The following KMT2D variants were observed in gnomAD, a reference collection of about 807,000 sequenced individuals.
KMT2D encodes lysine methyltransferase 2D.
In KMT2D, 55 loss-of-function variants were observed where a neutral mutation model predicts 512.7. That is an observed-to-expected ratio of 0.11 (90% confidence interval 0.09 to 0.13). KMT2D has a LOEUF of 0.13. Among genes scored for constraint, KMT2D ranks in the 10% least tolerant of loss-of-function variants. The pLI is 1.00. For missense variants in KMT2D, 6,061 were observed against 7,127.9 expected, an observed-to-expected ratio of 0.85 and a Z score of 5.39; for synonymous variants, 2,995 against 2,904.0, an observed-to-expected ratio of 1.03 and a Z score of -1.01.
rs1354976545 is a variant in KMT2D, at chr12:49,054,727, A to G, written c.201T>C (p.Ala67=). ...DCSGGPVRRC[A]LCNCGEPSLH... is the part of the protein sequence containing the mutation. ...GACTGGGCTCCCCGCAGTTACAGAG[A>G]GCACAACGCCGCACCGGACCCCCAC... The change falls in exon 4 of 55, where the codon GCT becomes GCC. Residue 67 remains alanine (A), a synonymous_variant. Transcript: ENST00000301067. The surrounding 1 kb of genome is among the most constrained non-coding windows in gnomAD (Gnocchi z 6.4). 3 of 1,613,696 alleles carry G rather than the reference A, an allele frequency of 1.9e-6. No individual in the cohort carries two copies. Among genetic ancestry groups the G allele is most frequent in the African/African-American group, 1.3e-5 (1 of 74,928 alleles).
rs955436876 is a variant in KMT2D, at chr12:49,039,396, C to A, written c.8230-38G>T. 2 of 1,606,236 alleles carry A rather than the reference C, an allele frequency of 1.2e-6. No homozygotes were observed. The highest frequency in any genetic ancestry group is 2.7e-5 in the African/African-American group (2 of 74,784). ...AGGTAGATGAAGGTGGAGCAACCTT[C>A]AATATCCTGGCCCCACTATCCCTTG... is the stretch of plus-strand genomic sequence containing the variant. On this transcript the variant is annotated intron_variant, in intron 33 of 54. Transcript: ENST00000301067. This position sits in a 1 kb window ranked among gnomAD's most constrained non-coding sequence, Gnocchi z 5.0.
intron 1 of KMT2D, among the ~76,000 whole-genome samples, chr12:49,058,931 G>A (rs1938573001): frequency 1.3e-5 from 2 of 152,272 alleles, no homozygotes; most frequent in South Asian, 4.1e-4. Context: ...GGCAAAGCAG[G>A]CTAAGACAGC....
In KMT2D at chr12:49,044,675, C is replaced by T. The variant is rs1351017875; in HGVS notation, c.4963+69G>A. The T allele has an allele frequency of 1.9e-6, 3 of 1,555,174 alleles. No homozygotes were observed. The highest frequency in any genetic ancestry group is 2.3e-5 in the South Asian group (2 of 87,522). ...GGTAACTGAGTGGCAATGTAGCCCCCACCCAACATCCCACTCCCAGAGTCA... is the reference window on the plus strand; with the variant it reads ...GGTAACTGAGTGGCAATGTAGCCCCTACCCAACATCCCACTCCCAGAGTCA... On this transcript the variant is annotated intron_variant, in intron 20 of 54. Transcript: ENST00000301067. This position sits in a 1 kb window ranked among gnomAD's most constrained non-coding sequence, Gnocchi z 6.4.
chr12:49,035,145 A>G lies in KMT2D; in HGVS notation c.10232-210T>C, dbSNP rs1456783270. On this transcript the variant is annotated intron_variant, in intron 35 of 54. Transcript: ENST00000301067. ...CCTGTTTTTACTTGCACCGTGCTAC[A>G]AAAAGGGGCTCCGTAAATATTTGTT... is the stretch of plus-strand genomic sequence containing the variant. Among the ~76,000 whole-genome samples the G allele has an allele frequency of 3.3e-5, 5 of 152,308 alleles. No homozygotes were observed. In the East Asian group the frequency reaches 9.6e-4, roughly 29 times the overall value.
In KMT2D at chr12:49,054,720, T is replaced by A. The variant is rs1220774201; in HGVS notation, c.208A>T (p.Asn70Tyr). The change falls in exon 4 of 55, where the codon AAC becomes TAC. Residue 70 changes from asparagine (N) to tyrosine (Y), a missense_variant. By Grantham distance (143) the Asn-to-Tyr change is moderately radical. Coordinates refer to ENST00000301067, the MANE Select transcript of KMT2D (RefSeq NM_003482.4). This position sits in a 1 kb window ranked among gnomAD's most constrained non-coding sequence, Gnocchi z 6.4. ...GGPVRRCALCNCGEPSLHGQR... is the reference protein window; with the variant it reads ...GGPVRRCALCYCGEPSLHGQR... ...CCGTGTAGACTGGGCTCCCCGCAGT[T>A]ACAGAGAGCACAACGCCGCACCGGA... 1 of 1,613,578 alleles carries A rather than the reference T, an allele frequency of 6.2e-7. No homozygotes were observed. Among genetic ancestry groups the A allele is most frequent in the Non-Finnish European group, 8.5e-7 (1 of 1,179,726 alleles).
Position 49,030,295 on chromosome 12 carries a change from C to T in KMT2D, c.13984G>A (p.Glu4662Lys). 1.9e-6 allele frequency: 3 copies of T among 1,601,678 alleles called. No homozygotes were observed. The highest frequency in any genetic ancestry group is 4.5e-5 in the East Asian group (2 of 44,450). ...CTTGACTTACCCCTCAGTGCCCTTTCACTATCCCGGGCAGAGGCAGCATCC... is the reference window on the plus strand; with the variant it reads ...CTTGACTTACCCCTCAGTGCCCTTTTACTATCCCGGGCAGAGGCAGCATCC... Reference protein sequence around the residue: ...PKDAASARDSERALRDTSEVK... With the variant: ...PKDAASARDSKRALRDTSEVK... The change falls in exon 43 of 55, where the codon GAA becomes AAA. Residue 4662 changes from glutamate (E) to lysine (K), a missense_variant. Around this residue, in one of 16 missense-constraint regions of KMT2D, gnomAD observed 1,600 missense variants for 1,754.9 expected, o/e 0.91. Transcript: ENST00000301067.
rs2120388061 is a variant in KMT2D, at chr12:49,028,934, C to A, written c.14276G>T (p.Gly4759Val). ...TCCAGGGACCTCCAGGCCAAGGGCC[C>A]CATAAGGTTTGGTATCTGGGAAGAC... ...IPVFPDTKPYGALGLEVPGKL... is the reference protein window; with the variant it reads ...IPVFPDTKPYVALGLEVPGKL... The change falls in exon 46 of 55, where the codon GGG (glycine) becomes GTG (valine). Residue 4759 changes from glycine (G) to valine (V), a missense_variant. Physicochemically the swap from Gly to Val is moderately radical, Grantham distance 109. This residue lies in a region of KMT2D where 1,600 missense variants were observed against 1,754.9 expected (regional missense o/e 0.91). Transcript: ENST00000301067. The A allele has an allele frequency of 6.2e-7, 1 of 1,613,970 alleles. No homozygotes were observed. Among genetic ancestry groups the A allele is most frequent in the Non-Finnish European group, 8.5e-7 (1 of 1,179,880 alleles).
rs372508690 is a variant in KMT2D at position 49,031,199 on chromosome 12, T to G, written c.13506A>C (p.Leu4502=). The change falls in exon 40 of 55, where the codon CTA becomes CTC. Residue 4502 remains leucine (L), a synonymous_variant. Coordinates refer to ENST00000301067, the MANE Select transcript of KMT2D (RefSeq NM_003482.4). ...CCTCCTTGTTGCTGGGGGTACCCTG[T>G]AGTTTCTGCTCCAGCCCAGCCAGCT... is the stretch of plus-strand genomic sequence containing the variant. ...DSKLAGLEQK[L]QGTPSNKEDA... is the part of the protein sequence containing the mutation. 1.1e-5 allele frequency: 18 copies of G among 1,610,372 alleles called. No individual in the cohort carries two copies. Among genetic ancestry groups the G allele is most frequent in the Non-Finnish European group, 1.5e-5 (18 of 1,177,718 alleles).
rs371433491 is a variant in KMT2D, at chr12:49,044,249, C to T, written c.5139G>A (p.Gly1713=). ...QRKSHTRTKK[G]PAAQAEVLSG... The stretch of plus-strand genomic sequence containing the variant: ...TCAACACCTCCGCCTGTGCAGCAGG[C>T]CCCTTTTTCGTGCGTGTGTGGGATT... Residue 1713 remains glycine (G), a synonymous_variant, in exon 22 of 55, where the codon GGG becomes GGA. Coordinates refer to ENST00000301067, the MANE Select transcript of KMT2D (RefSeq NM_003482.4). The surrounding 1 kb of genome is among the most constrained non-coding windows in gnomAD (Gnocchi z 6.4). 1.9e-6 allele frequency: 3 copies of T among 1,612,770 alleles called. No individual in the cohort carries two copies. Among genetic ancestry groups the T allele is most frequent in the Non-Finnish European group, 1.7e-6 (2 of 1,179,880 alleles).
At chr12:49,045,552 G>A (rs1257250154) in intron 19 of KMT2D, among the ~76,000 whole-genome samples, 2 of 151,506 alleles carry the variant, frequency 1.3e-5, no homozygotes, top group African/African-American at 4.9e-5. Context: ...GCTGAGGCAG[G>A]AGAATGGCGT....
rs775432028 is a variant in KMT2D, at chr12:49,032,522, T to G, written c.12183A>C (p.Glu4061Asp). 1.1e-5 allele frequency: 18 copies of G among 1,594,254 alleles called. No individual in the cohort carries two copies. In the South Asian group the frequency reaches 2.0e-4, roughly 18 times the overall value. The change falls in exon 40 of 55, where the codon GAA (glutamate) becomes GAC (aspartate). Residue 4061 changes from glutamate to aspartate, a missense_variant. By Grantham distance (45) the Glu-to-Asp change is conservative. Around this residue, in one of 16 missense-constraint regions of KMT2D, gnomAD observed 1,600 missense variants for 1,754.9 expected, o/e 0.91. Coordinates refer to ENST00000301067, the MANE Select transcript of KMT2D (RefSeq NM_003482.4). ...IGTTPESMAT[E>D]PGEVKPSLSG... ...AGAGTGAGGGCTTTACCTCTCCTGG[T>G]TCAGTGGCCATTGACTCAGGGGTAG...
chr12:49,048,854 G>A (rs2120627825), intron 13 of KMT2D, 85 bp from the exon 14 acceptor site: 1 of 926,830 alleles, frequency 1.1e-6, no homozygotes, highest in South Asian at 1.5e-5. Flanking sequence ...GGGGAAGAAA[G>A]TGTGAACCCT....
Position 49,048,731 on chromosome 12 carries a change from C to T in KMT2D, c.4059G>A (p.Glu1353=), listed in dbSNP as rs1409600020. The part of the protein sequence containing the change: ...DIDSSPSKEE[E]EEDDDTMQNT... ...TCTGCATGGTGTCATCATCTTCTTC[C>T]TCCTCCTCCTTACTGGGAGAGCTAT... The change falls in exon 14 of 55, where the codon GAG becomes GAA. Residue 1353 remains glutamate (E), a synonymous_variant. Transcript: ENST00000301067. 11 of 1,606,236 alleles carry T rather than the reference C, an allele frequency of 6.8e-6. No homozygotes were observed. The highest frequency in any genetic ancestry group is 9.4e-6 in the Non-Finnish European group (11 of 1,174,224).
chr12:49,050,935 C>T lies in KMT2D; in HGVS notation c.2748G>A (p.Pro916=), dbSNP rs544109039. The T allele has an allele frequency of 1.2e-5, 18 of 1,539,618 alleles. No individual in the cohort carries two copies. The highest frequency in any genetic ancestry group is 3.8e-5 in the South Asian group (3 of 78,856). ...PPLSPLPEEL[P]LSPSGEPSLS... ...AGGATGGCTCCCCAGATGGGGACAA[C>T]GGCAGCTCCTCGGGCAGAGGGGACA... The change falls in exon 11 of 55, where the codon CCG becomes CCA. Residue 916 remains proline, a synonymous_variant. Transcript: ENST00000301067.
Position 49,031,537 on chromosome 12 carries a change from C to G in KMT2D, c.13168G>C (p.Glu4390Gln), listed in dbSNP as rs1470433245. The change falls in exon 40 of 55, where the codon GAG becomes CAG. Residue 4390 changes from glutamate to glutamine, a missense_variant. Glu to Gln is a conservative substitution (Grantham distance 29). Around this residue, in one of 16 missense-constraint regions of KMT2D, gnomAD observed 1,600 missense variants for 1,754.9 expected, o/e 0.91. Transcript: ENST00000301067. ...PDNLAETQKPEQSSLVPGHLD... is the reference protein window; with the variant it reads ...PDNLAETQKPQQSSLVPGHLD... ...TGCCCAGGTACCAGGCTGCTCTGCT[C>G]TGGCTTCTGGGTTTCTGCTAGGTTG... is the stretch of plus-strand genomic sequence containing the variant. The G allele has an allele frequency of 6.2e-7, 1 of 1,606,708 alleles. No homozygotes were observed. The highest frequency in any genetic ancestry group is 1.1e-5 in the South Asian group (1 of 89,934).
rs771949241 is a variant in KMT2D, at chr12:49,037,363, G to A, written c.9993C>T (p.Pro3331=). 1 of 1,610,870 alleles carries A rather than the reference G, an allele frequency of 6.2e-7. No homozygotes were observed. The highest frequency in any genetic ancestry group is 1.7e-5 in the Admixed American group (1 of 59,552). Residue 3331 remains proline (P), a synonymous_variant, in exon 35 of 55, where the codon CCC becomes CCT. Transcript: ENST00000301067. The part of the protein sequence containing the change: ...RQPGLPQPLM[P]TQPPAHALQQ... Reference sequence around the variant, plus strand: ...GGAGGGCATGAGCTGGTGGCTGGGTGGGCATCAGTGGCTGGGGCAAACCTG... The same window carrying A: ...GGAGGGCATGAGCTGGTGGCTGGGTAGGCATCAGTGGCTGGGGCAAACCTG...
chr12:49,050,269 T>C lies in KMT2D; in HGVS notation c.3319A>G (p.Ser1107Gly). 1 of 1,611,782 alleles carries C rather than the reference T, an allele frequency of 6.2e-7. No homozygotes were observed. Among genetic ancestry groups the C allele is most frequent in the Non-Finnish European group, 8.5e-7 (1 of 1,178,958 alleles). ...AAGTCATCCAGGGCTGGGGCAGGGC[T>C]GGGGGCGGGGCAGGAAAGGTCCCCC... ...PMGDLSCPAP[S>G]PAPALDDFSG... is the part of the protein sequence containing the mutation. The change falls in exon 12 of 55, where the codon AGC (serine) becomes GGC (glycine). Residue 1107 changes from serine (S) to glycine (G), a missense_variant. Around this residue, in one of 16 missense-constraint regions of KMT2D, gnomAD observed 447 missense variants for 500.1 expected, o/e 0.89. Transcript: ENST00000301067.
chr12:49,043,750 C>T lies in KMT2D; in HGVS notation c.5352G>A (p.Leu1784=), dbSNP rs560488268. ...CAACTGCAAAAAGGGCCTTACGGCTCAGGTCCAGCAGCTCCTTCCCAAAGA... is the reference window on the plus strand; with the variant it reads ...CAACTGCAAAAAGGGCCTTACGGCTTAGGTCCAGCAGCTCCTTCCCAAAGA... ...EAFFGKELLD[L]SRKALFAVGV... The change falls in exon 24 of 55, where the codon CTG becomes CTA. Residue 1784 remains leucine, a synonymous_variant. Transcript: ENST00000301067. 1 of 1,613,196 alleles carries T rather than the reference C, an allele frequency of 6.2e-7. No individual in the cohort carries two copies. Among genetic ancestry groups the T allele is most frequent in the South Asian group, 1.1e-5 (1 of 91,060 alleles).
chr12:49,042,490 G>A lies in KMT2D; in HGVS notation c.5867+71C>T, dbSNP rs1161925378. On this transcript the variant is annotated intron_variant, in intron 28 of 54. Transcript: ENST00000301067. This position sits in a 1 kb window ranked among gnomAD's most constrained non-coding sequence, Gnocchi z 4.4. ...GAAGTGCTGCAGGAGTCCGAGGGAG[G>A]CAAAGCATGAACTCAGATGGAGGGA... 24 of 1,554,982 alleles carry A rather than the reference G, an allele frequency of 1.5e-5. No individual in the cohort carries two copies. Among genetic ancestry groups the A allele is most frequent in the Non-Finnish European group, 2.1e-5 (24 of 1,139,574 alleles).
Sources: gnomAD v4.1 joint callset for allele counts (sites outside exome capture counted in the v4.1 genomes callset) on GRCh38, gnomAD v4.1.1 for gene constraint, gnomAD v4.1.1 regional missense constraint, Gnocchi (gnomAD v3.1) non-coding constraint, MANE v1.5 for transcripts, NCBI Gene and HGNC (gene_info 2026-07-23, HGNC 2026-07-21) for gene names.